The following HABP4 variants were observed in gnomAD, a reference collection of about 807,000 sequenced individuals.
HABP4 encodes the protein hyaluronan binding protein 4, also known as intracellular hyaluronan-binding protein 4.
In HABP4, 32 loss-of-function variants were observed where a neutral mutation model predicts 44.1. The observed-to-expected ratio is 0.73, with a 90% CI of 0.55 to 0.97. The LOEUF (loss-of-function observed/expected upper bound fraction) is 0.97. Ranked by LOEUF, HABP4 falls within the 50% of genes least tolerant of loss-of-function variation. The pLI, the probability that HABP4 is intolerant of heterozygous loss-of-function variation, is 0.00. For missense variants in HABP4, 503 were observed against 561.9 expected (o/e 0.90, Z 1.06); for synonymous variants, 216 against 218.0 (o/e 0.99, Z 0.08).
At chr9:96,471,384 C>T (rs1011076442) in intron 5 of HABP4, among the ~76,000 whole-genome samples, 4 of 152,100 alleles carry the variant, frequency 2.6e-5, no homozygotes, top group Non-Finnish European at 5.9e-5. Context: ...CTCAAGTGAT[C>T]CATCCGCTTC....
chr9:96,454,093 A>G (rs1832332634), intron 1 of HABP4, among the ~76,000 whole-genome samples: 1 of 152,246 alleles, frequency 6.6e-6, no homozygotes, highest in Admixed American at 6.5e-5. Context: ...AGGCTTTAAT[A>G]TGGTGTACAG....
At chr9:96,462,712 GC>G (rs1832526078) in intron 2 of HABP4, among the ~76,000 whole-genome samples, 1 of 152,060 alleles carries the variant, frequency 6.6e-6, no homozygotes, top group Non-Finnish European at 1.5e-5. Flanking sequence ...GATCTCTTGA[GC>G]CCAGTAATTT....
At chr9:96,474,087 T>C (rs1455195111) in intron 5 of HABP4, among the ~76,000 whole-genome samples, 4 of 152,264 alleles carry the variant, frequency 2.6e-5, no homozygotes, top group Non-Finnish European at 5.9e-5. Flanking sequence ...GCTAGTGCTT[T>C]ATCAGTATCT....
At chr9:96,472,950 C>A (rs191512057) in intron 5 of HABP4, among the ~76,000 whole-genome samples, 39 of 152,334 alleles carry the variant, frequency 2.6e-4, no homozygotes, top group African/African-American at 9.1e-4. Flanking sequence ...AACGTGCTCT[C>A]CTGTTGGTTT....
chr9:96,458,325 T>A, intron 1 of HABP4, 54 bp from the exon 2 acceptor site: 1 of 1,483,136 alleles, frequency 6.7e-7, no homozygotes, highest in Non-Finnish European at 9.4e-7. Context: ...AGTTTAATAG[T>A]GTGCTGTTGC....
chr9:96,451,522 C>G (rs1022388452), intron 1 of HABP4: 25 of 961,806 alleles, frequency 2.6e-5, no homozygotes, highest in Non-Finnish European at 2.6e-5. Flanking sequence ...TGTAGGTTGA[C>G]CATTCCTGCC....
chr9:96,458,018 A>G (rs1377330169), intron 1 of HABP4, among the ~76,000 whole-genome samples: 1 of 152,232 alleles, frequency 6.6e-6, no homozygotes, highest in Non-Finnish European at 1.5e-5. Flanking sequence ...TTCATTTTCT[A>G]GGTACGGCTT....
At chr9:96,458,255 C>A in intron 1 of HABP4, 124 bp from the exon 2 acceptor site, 1 of 1,006,608 alleles carries the variant, frequency 9.9e-7, no homozygotes, top group Non-Finnish European at 1.5e-6. Flanking sequence ...GTTTTCTAAA[C>A]TTCCTGAATT....
At position 96,465,406 on chromosome 9, in the gene HABP4, CA is replaced by C; in HGVS notation, c.583del (p.Arg195GlufsTer31). The C allele has an allele frequency of 6.2e-7, 1 of 1,608,902 alleles. No homozygotes were observed. The highest frequency in any genetic ancestry group is 8.5e-7 in the Non-Finnish European group (1 of 1,175,222). On this transcript the variant is annotated frameshift_variant, in exon 3 of 8. Transcript: ENST00000375249. LOFTEE classifies it high-confidence loss of function. Reference sequence around the variant, plus strand: ...GAGGCCCGAGAGGGGGTATGCGCGGCAGAGGCAGAGGTGGCCCTGGGAACAG... The same window carrying C: ...GAGGCCCGAGAGGGGGTATGCGCGGCGAGGCAGAGGTGGCCCTGGGAACAG... ...RGGPRGGMRGRGRGGPGNRVF... is the reference protein window; with the variant it reads ...RGGPRGGMRGXGRGGPGNRVF...
chr9:96,460,690 C>T (rs1832485973), intron 2 of HABP4, among the ~76,000 whole-genome samples: 2 of 152,178 alleles, frequency 1.3e-5, no homozygotes, highest in African/African-American at 4.8e-5. Flanking sequence ...AGAGTATGAG[C>T]CAGTTATTTT....
intron 5 of HABP4, 102 bp downstream of exon 5, chr9:96,471,196 G>A: frequency 1.4e-6 from 1 of 699,532 alleles, no homozygotes; most frequent in African/African-American, 1.8e-5. Flanking sequence ...AGGCTGGAGT[G>A]CAATGGCACA....
Position 96,450,656 on chromosome 9 carries a change from C to T in HABP4, c.349+28C>T. 1 of 1,253,320 alleles carries T rather than the reference C, an allele frequency of 8.0e-7. No individual in the cohort carries two copies. The highest frequency in any genetic ancestry group is 3.1e-5 in the East Asian group (1 of 31,810). 77.6% of individuals were successfully genotyped at this position (1,253,320 alleles called of 1,614,324 possible). A position where few individuals can be genotyped will look rare whatever the true frequency, so the allele number is the denominator to read the frequency against. ...ACGCGGGGACAGCGGGGTTAGCGGACCACGGCTCGGCCCGCTGTGAGACTG... is the reference window on the plus strand; with the variant it reads ...ACGCGGGGACAGCGGGGTTAGCGGATCACGGCTCGGCCCGCTGTGAGACTG... On this transcript the variant is annotated intron_variant, in intron 1 of 7. Coordinates refer to ENST00000375249, the MANE Select transcript of HABP4 (RefSeq NM_014282.4). The surrounding 1 kb of genome is among the most constrained non-coding windows in gnomAD (Gnocchi z 4.8).
At chr9:96,452,602 C>T (rs1257665713) in intron 1 of HABP4, among the ~76,000 whole-genome samples, 3 of 151,886 alleles carry the variant, frequency 2.0e-5, no homozygotes, top group East Asian at 1.9e-4. Flanking sequence ...GTAGTTAGAA[C>T]GGAAATTTTA....
rs1447734437 is a variant in HABP4 at position 96,479,456 on chromosome 9, T to TAAA, written c.828-5006_828-5005insAAA. Among the ~76,000 whole-genome samples, 6 of 152,324 alleles carry TAAA rather than the reference T, an allele frequency of 3.9e-5. No individual in the cohort carries two copies. The East Asian group carries it at 1.2e-3, about 29-fold the overall frequency. On this transcript the variant is annotated intron_variant, in intron 5 of 7. Transcript: ENST00000375249. ...GAGATTGAATTTTAATTTAAATCTG[T>TAAA]TTTATAATTATGTAAAATATTTACA...
At chr9:96,487,923 CT>C (rs1833003120) in intron 6 of HABP4, among the ~76,000 whole-genome samples, 165 bp from the exon 7 acceptor site, 1 of 152,202 alleles carries the variant, frequency 6.6e-6, no homozygotes. Context: ...TGCTGTCTTC[CT>C]TTGTCCAGCT....
chr9:96,462,848 G>A (rs1197703712), intron 2 of HABP4, among the ~76,000 whole-genome samples: 1 of 152,082 alleles, frequency 6.6e-6, no homozygotes, highest in East Asian at 1.9e-4. Context: ...TTTGAGCCTG[G>A]GAGATCAAGG....
Position 96,450,921 on chromosome 9 carries a change from T to G in HABP4, c.349+293T>G, listed in dbSNP as rs1832263793. Among the ~76,000 whole-genome samples the G allele has an allele frequency of 6.6e-6, 1 of 151,976 alleles. No homozygotes were observed. Among genetic ancestry groups the G allele is most frequent in the South Asian group, 2.1e-4 (1 of 4,818 alleles). The stretch of plus-strand genomic sequence containing the variant: ...TGAGGGAGGTTGTCTGGGTGGCGTG[T>G]GGGGGCGAACGGCTGAGGTCGCTAC... On this transcript the variant is annotated intron_variant, in intron 1 of 7. Transcript: ENST00000375249. The surrounding 1 kb of genome is among the most constrained non-coding windows in gnomAD (Gnocchi z 4.8).
intron 4 of HABP4, among the ~76,000 whole-genome samples, chr9:96,467,682 C>T (rs776347354): frequency 7.9e-5 from 12 of 151,930 alleles, no homozygotes; most frequent in Admixed American, 2.0e-4. Context: ...CCCGCCACCA[C>T]GCCTGGTTAA....
chr9:96,476,734 G>A (rs1035459844), intron 5 of HABP4, among the ~76,000 whole-genome samples: 2 of 152,204 alleles, frequency 1.3e-5, no homozygotes, highest in Non-Finnish European at 2.9e-5. Flanking sequence ...TGGGGTATGC[G>A]TCACAGGATT....
Sources: gnomAD v4.1 joint callset for allele counts (sites outside exome capture counted in the v4.1 genomes callset) on GRCh38, gnomAD v4.1.1 for gene constraint, Gnocchi (gnomAD v3.1) non-coding constraint, MANE v1.5 for transcripts, NCBI Gene and HGNC (gene_info 2026-07-23, HGNC 2026-07-21) for gene names.